BBS7: variants seen among roughly 807,000 people sequenced by gnomAD.
The protein encoded by BBS7 is Bardet-Biedl syndrome 7.
A neutral mutation model predicts 90.3 loss-of-function variants in BBS7; 50 were observed. The observed-to-expected ratio is 0.55, with a 90% CI of 0.44 to 0.70. The LOEUF is 0.70. Among genes scored for constraint, BBS7 ranks in the 30% least tolerant of loss-of-function variants. BBS7 has a pLI of 0.00. For missense variants in BBS7, 729 were observed against 838.9 expected (o/e 0.87, Z 1.62); for synonymous variants, 235 against 287.4 (o/e 0.82, Z 1.85).
chr4:121,864,028 C>T (rs1727128928), intron 2 of BBS7, among the ~76,000 whole-genome samples: 1 of 152,148 alleles, frequency 6.6e-6, no homozygotes, highest in Non-Finnish European at 1.5e-5. Flanking sequence ...AGATCAGCAG[C>T]GTCATTAGAT....
chr4:121,828,795 T>A, intron 15 of BBS7, 67 bp from the exon 16 acceptor site: 1 of 927,958 alleles, frequency 1.1e-6, no homozygotes, highest in Non-Finnish European at 1.6e-6. Context: ...ATATATATTT[T>A]ATGATTAGTA....
chr4:121,835,657 G>T (rs1453617653), intron 13 of BBS7, among the ~76,000 whole-genome samples: 1 of 152,084 alleles, frequency 6.6e-6, no homozygotes, highest in African/African-American at 2.4e-5. Flanking sequence ...GATAAGAAAA[G>T]ATAATAAGTA....
chr4:121,853,110 G>C, intron 7 of BBS7, 24 bp from the exon 8 acceptor site: 1 of 1,607,464 alleles, frequency 6.2e-7, no homozygotes, highest in Non-Finnish European at 8.5e-7. Context: ...TATGTGATAA[G>C]TTATTAAGAA....
intron 12 of BBS7, among the ~76,000 whole-genome samples, chr4:121,842,875 G>T (rs985049484): frequency 2.6e-5 from 4 of 152,138 alleles, no homozygotes; most frequent in African/African-American, 9.7e-5. Flanking sequence ...TAAGCAGAAA[G>T]AAGTGATACA....
At chr4:121,859,348 G>A (rs1204372774) in intron 4 of BBS7, among the ~76,000 whole-genome samples, 170 bp from the exon 5 acceptor site, 1 of 152,036 alleles carries the variant, frequency 6.6e-6, no homozygotes, top group African/African-American at 2.4e-5. Context: ...GTATAACACT[G>A]TTTTTGATTT....
chr4:121,843,573 C>T (rs779655193), intron 12 of BBS7, among the ~76,000 whole-genome samples: 11 of 152,126 alleles, frequency 7.2e-5, no homozygotes, highest in Non-Finnish European at 1.5e-4. Context: ...TTTAAGGAAA[C>T]GCTCATTGGA....
At position 121,842,855 on chromosome 4, in the gene BBS7, C is replaced by T. The variant is rs532108613; in HGVS notation, c.1305+1072G>A. On this transcript the variant is annotated intron_variant, in intron 12 of 18. Coordinates refer to ENST00000264499, the MANE Select transcript of BBS7 (RefSeq NM_176824.3). ...CACACCTAGCTCTGAGACTGCTTATCGGCTAGTACTAAGCAGAAAGAAGTG... is the reference window on the plus strand; with the variant it reads ...CACACCTAGCTCTGAGACTGCTTATTGGCTAGTACTAAGCAGAAAGAAGTG... Among the ~76,000 whole-genome samples, 12 of 152,212 alleles carry T rather than the reference C, an allele frequency of 7.9e-5. No homozygotes were observed. The East Asian group carries it at 9.7e-4, about 12-fold the overall frequency.
intron 2 of BBS7, among the ~76,000 whole-genome samples, chr4:121,865,697 A>AT (rs1406282920): frequency 6.6e-6 from 1 of 152,158 alleles, no homozygotes; most frequent in Non-Finnish European, 1.5e-5. Context: ...TGTCTCTTTG[A>AT]TATGATGATT....
At chr4:121,835,744 G>A (rs1203153105) in intron 13 of BBS7, among the ~76,000 whole-genome samples, 1 of 151,932 alleles carries the variant, frequency 6.6e-6, no homozygotes, top group African/African-American at 2.4e-5. Flanking sequence ...GCTCATATTG[G>A]CAGAGATTTT....
chr4:121,869,591 T>C (rs1424906958), intron 1 of BBS7, among the ~76,000 whole-genome samples: 2 of 152,110 alleles, frequency 1.3e-5, no homozygotes, highest in Non-Finnish European at 2.9e-5. Flanking sequence ...CCAGCTGGAG[T>C]GCAGTGGCAT....
In BBS7 at chr4:121,850,784, C is replaced by T. The variant is rs192799940; in HGVS notation, c.850-1856G>A. On this transcript the variant is annotated intron_variant, in intron 8 of 18. Coordinates refer to ENST00000264499, the MANE Select transcript of BBS7 (RefSeq NM_176824.3). Reference sequence around the variant, plus strand: ...GAAGGAAGGGACACTAGCATTAAACCGGACAATCAACAAAATTCTAGTACT... The same window carrying T: ...GAAGGAAGGGACACTAGCATTAAACTGGACAATCAACAAAATTCTAGTACT... Among the ~76,000 whole-genome samples the T allele has an allele frequency of 1.7e-4, 26 of 152,178 alleles. No homozygotes were observed. In the East Asian group the frequency reaches 1.7e-3, roughly 10 times the overall value.
Position 121,828,200 on chromosome 4 carries a change from C to G in BBS7, c.1960G>C (p.Asp654His), listed in dbSNP as rs143632090. 5.0e-6 allele frequency: 8 copies of G among 1,613,742 alleles called. No individual in the cohort carries two copies. The Admixed American group carries it at 5.0e-5, about 10-fold the overall frequency. ...TTTTTGTATTCTTCCTGTAGGTGAT[C>G]TGCCTCTTCTAGAATACAGTGATAT... is the stretch of plus-strand genomic sequence containing the variant. ...PEYHCILEEADHLQEEYKKQP... is the reference protein window; with the variant it reads ...PEYHCILEEAHHLQEEYKKQP... The change falls in exon 18 of 19, where the codon GAT becomes CAT. Residue 654 changes from aspartate (D) to histidine (H), a missense_variant. Coordinates refer to ENST00000264499, the MANE Select transcript of BBS7 (RefSeq NM_176824.3).
chr4:121,841,172 G>A lies in BBS7; in HGVS notation c.1306-1476C>T, dbSNP rs138357076. Among the ~76,000 whole-genome samples, 13 of 152,108 alleles carry A rather than the reference G, an allele frequency of 8.5e-5. No homozygotes were observed. In the East Asian group the frequency reaches 1.9e-3, roughly 23 times the overall value. On this transcript the variant is annotated intron_variant, in intron 12 of 18. Coordinates refer to ENST00000264499, the MANE Select transcript of BBS7 (RefSeq NM_176824.3). ...TGTTCTTGTATGATTAAAAGCAAAC[G>A]TTATATACTACAGTGTTTATCAATA...
chr4:121,866,676 G>A (rs979068428), intron 2 of BBS7, among the ~76,000 whole-genome samples: 9 of 152,176 alleles, frequency 5.9e-5, no homozygotes, highest in Non-Finnish European at 8.8e-5. Context: ...ACCATTTATT[G>A]AAGAGGCTGT....
At position 121,870,332 on chromosome 4, in the gene BBS7, C is replaced by G. The variant is rs757523715; in HGVS notation, c.-19G>C. ...GATCCATGATGACTACGCGGAGGGG[C>G]TAAGCAGCGCCGGACAAGAACAGGA... On this transcript the variant is annotated 5_prime_UTR_variant, in exon 1 of 19. Transcript: ENST00000264499. 20 of 1,614,008 alleles carry G rather than the reference C, an allele frequency of 1.2e-5. No homozygotes were observed. Among genetic ancestry groups the G allele is most frequent in the Non-Finnish European group, 1.7e-5 (20 of 1,179,982 alleles).
intron 1 of BBS7, 52 bp downstream of exon 1, chr4:121,870,226 T>A (rs1281398861): frequency 6.2e-7 from 1 of 1,610,386 alleles, no homozygotes; most frequent in East Asian, 2.2e-5. Context: ...AGGAATCCTC[T>A]CCGGGTGCTG....
At chr4:121,863,338 A>G (rs1167262543) in intron 2 of BBS7, 59 bp from the exon 3 acceptor site, 1 of 1,376,390 alleles carries the variant, frequency 7.3e-7, no homozygotes, top group Non-Finnish European at 1.0e-6. Context: ...CCTAATAATT[A>G]TATACAGGGA....
At chr4:121,864,360 G>A (rs780005745) in intron 2 of BBS7, among the ~76,000 whole-genome samples, 1 of 152,050 alleles carries the variant, frequency 6.6e-6, no homozygotes, top group Non-Finnish European at 1.5e-5. Context: ...AAATATTTCA[G>A]CCAAAACAAC....
At chr4:121,844,502 A>G (rs553323916) in intron 11 of BBS7, among the ~76,000 whole-genome samples, 2 of 150,114 alleles carry the variant, frequency 1.3e-5, no homozygotes, top group Admixed American at 1.3e-4. Context: ...CCCGTGAGCT[A>G]GCATTACTTA....
Sources: allele counts gnomAD v4.1 joint callset (sites outside exome capture counted in the v4.1 genomes callset), GRCh38; gene constraint gnomAD v4.1.1; transcripts MANE v1.5; gene names NCBI Gene and HGNC (gene_info 2026-07-23, HGNC 2026-07-21).